The following FSTL1 variants were observed in gnomAD, a reference collection of about 807,000 sequenced individuals.
FSTL1 encodes the protein follistatin like 1.
FSTL1 carries 24 observed loss-of-function variants against 45.9 expected under a neutral mutation model. That is an observed-to-expected ratio of 0.52 (90% CI 0.38 to 0.74). The LOEUF (loss-of-function observed/expected upper bound fraction) is 0.74. FSTL1 is among the 30% of genes least tolerant of loss of function. FSTL1 has a pLI of 0.00. For missense variants in FSTL1, 340 were observed against 381.8 expected (o/e 0.89, Z 0.91); for synonymous variants, 120 against 137.6 (o/e 0.87, Z 0.89).
At chr3:120,430,658 TTCCTTATCAATA>T (rs1244447301) in intron 2 of FSTL1, among the ~76,000 whole-genome samples, 3 of 152,214 alleles carry the variant, frequency 2.0e-5, no homozygotes, top group Non-Finnish European at 4.4e-5. Flanking sequence ...TAATCTGCAT[TTCCTTATCAATA>T]TCTAACATGG....
At chr3:120,408,968 T>A (rs1203310025) in intron 6 of FSTL1, among the ~76,000 whole-genome samples, 1 of 152,218 alleles carries the variant, frequency 6.6e-6, no homozygotes, top group Non-Finnish European at 1.5e-5. Context: ...GAAAATAGCA[T>A]CTCTCCTGCT....
intron 2 of FSTL1, among the ~76,000 whole-genome samples, chr3:120,425,593 C>T (rs1211543515): frequency 1.3e-5 from 2 of 152,140 alleles, no homozygotes; most frequent in East Asian, 1.9e-4. Context: ...ATAGATGATG[C>T]CTAAGTCCCT....
intron 2 of FSTL1, among the ~76,000 whole-genome samples, chr3:120,450,032 C>CAA (rs34772410): frequency 7.3e-5 from 11 of 151,574 alleles, no homozygotes; most frequent in East Asian, 1.9e-4. Context: ...AAAATTGGTA[C>CAA]AAAAAAACAA....
chr3:120,428,732 T>A (rs972205312), intron 2 of FSTL1, among the ~76,000 whole-genome samples: 2 of 142,388 alleles, frequency 1.4e-5, no homozygotes, highest in African/African-American at 5.0e-5. Flanking sequence ...AGACTCTGTC[T>A]CAGACAAAAA....
intron 2 of FSTL1, among the ~76,000 whole-genome samples, chr3:120,449,458 G>A (rs973408465): frequency 2.6e-5 from 4 of 152,184 alleles, no homozygotes; most frequent in African/African-American, 9.7e-5. Context: ...GCATTTAATA[G>A]CTGAGAGCAT....
intron 2 of FSTL1, among the ~76,000 whole-genome samples, chr3:120,446,122 A>G (rs1189968745): frequency 6.6e-6 from 1 of 152,246 alleles, no homozygotes; most frequent in African/African-American, 2.4e-5. Context: ...ATGTCCAGTT[A>G]TTTGAAGAGG....
At chr3:120,417,129 C>T (rs896749016) in intron 2 of FSTL1, among the ~76,000 whole-genome samples, 2 of 152,122 alleles carry the variant, frequency 1.3e-5, no homozygotes, top group South Asian at 2.1e-4. Context: ...GCAGGAGGCA[C>T]GATGGGGTCA....
chr3:120,404,728 C>T, intron 7 of FSTL1, 125 bp downstream of exon 7: 1 of 693,244 alleles, frequency 1.4e-6, no homozygotes, highest in Non-Finnish European at 2.7e-6. Context: ...GACAGAATTC[C>T]CATTTTGCTT....
At chr3:120,405,490 C>T (rs1229786647) in intron 6 of FSTL1, among the ~76,000 whole-genome samples, 1 of 152,230 alleles carries the variant, frequency 6.6e-6, no homozygotes, top group East Asian at 1.9e-4. Context: ...TTCCAGCCTC[C>T]TTGTCCTGTT....
rs1165823552 is a variant in FSTL1, at chr3:120,450,900, G to A, written c.-4C>T. Reference sequence around the variant, plus strand: ...GCGCCGTGCGCCCTGCGCTCACCGTGGTCTGGTCCAGGTCTCCTGGGGGCG... The same window carrying A: ...GCGCCGTGCGCCCTGCGCTCACCGTAGTCTGGTCCAGGTCTCCTGGGGGCG... On this transcript the variant is annotated 5_prime_UTR_variant, in exon 1 of 11. Transcript: ENST00000295633. 7 of 538,902 alleles carry A rather than the reference G, an allele frequency of 1.3e-5. No homozygotes were observed. The highest frequency in any genetic ancestry group is 2.2e-5 in the Non-Finnish European group (7 of 312,902). The allele number at this position is 538,902 out of a possible 1,614,324, so 33.4% of individuals were successfully genotyped here.
intron 2 of FSTL1, among the ~76,000 whole-genome samples, chr3:120,447,319 G>A (rs772430209): frequency 1.3e-5 from 2 of 152,182 alleles, no homozygotes; most frequent in Non-Finnish European, 2.9e-5. Context: ...ATCTAGAAAA[G>A]GGATATCTGT....
chr3:120,430,829 T>C (rs1235038318), intron 2 of FSTL1, among the ~76,000 whole-genome samples: 2 of 152,214 alleles, frequency 1.3e-5, no homozygotes, highest in African/African-American at 2.4e-5. Flanking sequence ...AATGAATATA[T>C]GCAATTTTAA....
At chr3:120,407,035 T>A (rs1050907648) in intron 6 of FSTL1, among the ~76,000 whole-genome samples, 1 of 152,250 alleles carries the variant, frequency 6.6e-6, no homozygotes, top group Non-Finnish European at 1.5e-5. Flanking sequence ...TTTGACTGTG[T>A]TTTGAATGCT....
chr3:120,438,113 C>T (rs1032734855), intron 2 of FSTL1: 3 of 152,176 alleles, frequency 2.0e-5, no homozygotes, highest in African/African-American at 4.8e-5. Context: ...TTTCAGACAA[C>T]TATTTCTGTA....
intron 6 of FSTL1, among the ~76,000 whole-genome samples, chr3:120,405,654 C>A (rs1210429866): frequency 6.6e-6 from 1 of 152,200 alleles, no homozygotes; most frequent in Non-Finnish European, 1.5e-5. Context: ...GTGCACAGGT[C>A]CTCAGATCAT....
intron 10 of FSTL1, among the ~76,000 whole-genome samples, chr3:120,397,992 G>A (rs1009221170): frequency 6.6e-6 from 1 of 152,186 alleles, no homozygotes; most frequent in South Asian, 2.1e-4. Flanking sequence ...CTAAGTCAAA[G>A]ACAGAAAAGG....
chr3:120,429,462 ACACATGGT>A (rs1190561511), intron 2 of FSTL1, among the ~76,000 whole-genome samples: 1 of 152,242 alleles, frequency 6.6e-6, no homozygotes, highest in African/African-American at 2.4e-5. Context: ...CTAAACTGTG[ACACATGGT>A]CACCTTAATT....
intron 2 of FSTL1, among the ~76,000 whole-genome samples, chr3:120,442,981 A>G (rs1490454490): frequency 7.0e-6 from 1 of 142,554 alleles, no homozygotes; most frequent in Non-Finnish European, 1.5e-5. Context: ...ATTGGGAGAT[A>G]CACCTAAGGC....
chr3:120,414,908 T>C (rs889285443), intron 3 of FSTL1, among the ~76,000 whole-genome samples: 27 of 150,802 alleles, frequency 1.8e-4, no homozygotes, highest in African/African-American at 6.5e-4. Flanking sequence ...TTCACTTGTT[T>C]ATCTGCTGAC....
Sources: allele counts gnomAD v4.1 joint callset (sites outside exome capture counted in the v4.1 genomes callset), GRCh38; gene constraint gnomAD v4.1.1; transcripts MANE v1.5; gene names NCBI Gene and HGNC (gene_info 2026-07-23, HGNC 2026-07-21).